The following MAST4 variants were observed in gnomAD, a reference collection of about 807,000 sequenced individuals.
MAST4 encodes microtubule-associated serine/threonine-protein kinase 4.
MAST4 carries 89 observed loss-of-function variants against 162.7 expected under a neutral mutation model. The observed-to-expected ratio is 0.55, with a 90% CI of 0.46 to 0.65. The LOEUF (loss-of-function observed/expected upper bound fraction) is 0.65, where lower values mean the gene tolerates loss of function less well. MAST4 is among the 30% of genes least tolerant of loss of function. MAST4 has a pLI of 0.00. For missense variants in MAST4, 3,153 were observed against 3,374.0 expected, an observed-to-expected ratio of 0.93 and a Z score of 1.62; for synonymous variants, 1,479 against 1,361.1, an observed-to-expected ratio of 1.09 and a Z score of -1.91.
chr5:66,819,154 A>T (rs998270447), intron 3 of MAST4, among the ~76,000 whole-genome samples: 3 of 152,162 alleles, frequency 2.0e-5, no homozygotes, highest in African/African-American at 7.2e-5. Flanking sequence ...TCTGAAGTGG[A>T]TGACATGTTA....
At chr5:66,760,126 T>TA (rs1223404400) in intron 2 of MAST4, among the ~76,000 whole-genome samples, 8 of 148,620 alleles carry the variant, frequency 5.4e-5, no homozygotes, top group East Asian at 2.0e-4. Context: ...TTTATTTATT[T>TA]TTTGAGACAG....
At chr5:66,617,519 A>G (rs1448811483) in intron 1 of MAST4, among the ~76,000 whole-genome samples, 2 of 152,046 alleles carry the variant, frequency 1.3e-5, no homozygotes, top group African/African-American at 4.8e-5. Flanking sequence ...TGGACGTATC[A>G]ATTTATTAAC....
At chr5:66,941,780 ATG>A (rs952344197) in intron 4 of MAST4, among the ~76,000 whole-genome samples, 2 of 152,076 alleles carry the variant, frequency 1.3e-5, no homozygotes, top group Non-Finnish European at 2.9e-5. Flanking sequence ...AAAATGAGAG[ATG>A]TGTGTCTCTT....
chr5:66,785,412 T>G (rs1755067663), intron 2 of MAST4, among the ~76,000 whole-genome samples: 1 of 152,204 alleles, frequency 6.6e-6, no homozygotes, highest in Non-Finnish European at 1.5e-5. Flanking sequence ...TAACTTGTTC[T>G]TCACCTAAAC....
At chr5:66,653,689 A>G (rs976962273) in intron 1 of MAST4, among the ~76,000 whole-genome samples, 1 of 152,164 alleles carries the variant, frequency 6.6e-6, no homozygotes, top group Non-Finnish European at 1.5e-5. Context: ...GTGCAAGGCC[A>G]TCTGAACTCT....
chr5:67,048,822 A>G (rs1376709166), intron 4 of MAST4, among the ~76,000 whole-genome samples: 1 of 151,512 alleles, frequency 6.6e-6, no homozygotes, highest in Non-Finnish European at 1.5e-5. Context: ...AATAATTCCC[A>G]GGGATCGTCT....
intron 21 of MAST4, among the ~76,000 whole-genome samples, chr5:67,143,845 T>G (rs1342267417): frequency 2.6e-5 from 4 of 152,174 alleles, no homozygotes; most frequent in Non-Finnish European, 4.4e-5. Flanking sequence ...TTGGTGGGTA[T>G]TTCATTTTCC....
chr5:66,677,703 A>G (rs186713181), intron 1 of MAST4, among the ~76,000 whole-genome samples: 2 of 152,300 alleles, frequency 1.3e-5, no homozygotes, highest in Admixed American at 1.3e-4. Flanking sequence ...AGTGATGTTT[A>G]AACCATGTCT....
At chr5:66,796,391 GT>G (rs1755647823) in intron 3 of MAST4, among the ~76,000 whole-genome samples, 1 of 152,070 alleles carries the variant, frequency 6.6e-6, no homozygotes, top group Non-Finnish European at 1.5e-5. Flanking sequence ...CCATGTCTTA[GT>G]TTTTTTCTTC....
intron 3 of MAST4, among the ~76,000 whole-genome samples, chr5:66,830,820 C>A (rs780622034): frequency 6.6e-6 from 1 of 152,122 alleles, no homozygotes; most frequent in Non-Finnish European, 1.5e-5. Context: ...AAGAGTAACG[C>A]CACCTAGTGA....
At chr5:66,781,804 A>G (rs760938728) in intron 2 of MAST4, among the ~76,000 whole-genome samples, 2 of 152,220 alleles carry the variant, frequency 1.3e-5, no homozygotes, top group Non-Finnish European at 2.9e-5. Context: ...TATATATTGC[A>G]CTTCAGGTGA....
chr5:66,764,020 C>T (rs190560238), intron 2 of MAST4, among the ~76,000 whole-genome samples: 10 of 152,290 alleles, frequency 6.6e-5, no homozygotes, highest in Admixed American at 2.0e-4. Flanking sequence ...GCTTAATCCA[C>T]GAGATAGTTT....
At chr5:67,110,274 T>C (rs1028432989) in intron 11 of MAST4, 75 bp downstream of exon 11, 2 of 1,100,460 alleles carry the variant, frequency 1.8e-6, no homozygotes, top group Admixed American at 3.5e-5. Flanking sequence ...AGCTCCTTCA[T>C]TTGGTTTCCA....
chr5:67,033,990 A>G (rs918123706), intron 4 of MAST4, among the ~76,000 whole-genome samples: 1 of 152,196 alleles, frequency 6.6e-6, no homozygotes, highest in African/African-American at 2.4e-5. Flanking sequence ...AGCCCTTCAC[A>G]GCAGCTTACT....
chr5:66,609,790 T>C (rs1408215078), intron 1 of MAST4, among the ~76,000 whole-genome samples: 1 of 151,434 alleles, frequency 6.6e-6, no homozygotes. Flanking sequence ...TTTCATAAGT[T>C]TGTTTGAAAG....
chr5:66,671,186 T>G (rs1747589625), intron 1 of MAST4, among the ~76,000 whole-genome samples: 1 of 152,226 alleles, frequency 6.6e-6, no homozygotes, highest in South Asian at 2.1e-4. Context: ...ACCCAACTGA[T>G]AGTATCTTAA....
intron 4 of MAST4, among the ~76,000 whole-genome samples, chr5:66,945,801 T>C (rs558846132): frequency 1.8e-4 from 28 of 152,176 alleles, no homozygotes; most frequent in Non-Finnish European, 3.8e-4. Context: ...TATGTAGTGA[T>C]AGTAGGTTTT....
At chr5:67,055,842 C>A (rs1758739145) in intron 5 of MAST4, among the ~76,000 whole-genome samples, 1 of 151,824 alleles carries the variant, frequency 6.6e-6, no homozygotes, top group African/African-American at 2.4e-5. Flanking sequence ...TAGTTATATC[C>A]AAAACACACT....
In MAST4 at chr5:67,113,880, T is replaced by C. The variant is rs183503683; in HGVS notation, c.1459-207T>C. 5.9e-5 allele frequency among the ~76,000 whole-genome samples: 9 copies of C among 152,340 alleles called. No individual in the cohort carries two copies. The East Asian group carries it at 1.3e-3, about 23-fold the overall frequency. ...AATGATCATTATCTTTGGGTTACCA[T>C]GTGCATAAATGTGTTGGCTTAGAAT... On this transcript the variant is annotated intron_variant, in intron 11 of 28. Transcript: ENST00000403625.
Sources: gnomAD v4.1 joint callset for allele counts (sites outside exome capture counted in the v4.1 genomes callset) on GRCh38, gnomAD v4.1.1 for gene constraint, MANE v1.5 for transcripts, NCBI Gene and HGNC (gene_info 2026-07-23, HGNC 2026-07-21) for gene names.